EML6: variants seen among roughly 807,000 people sequenced by gnomAD.
The protein encoded by EML6 is echinoderm microtubule-associated protein-like 6.
Under a neutral mutation model 240.1 loss-of-function variants are expected in EML6, and 154 were observed. That is an observed-to-expected ratio of 0.64 (90% confidence interval 0.56 to 0.73). The LOEUF (loss-of-function observed/expected upper bound fraction) is 0.73. Ranked by LOEUF, EML6 falls within the 30% of genes least tolerant of loss-of-function variation. The probability of loss-of-function intolerance (pLI) is 0.00; values close to 1 mark genes in which losing one functional copy is unlikely to be tolerated. For synonymous variants in EML6, 1,148 were observed against 899.0 expected (o/e 1.28, Z -4.95); for missense variants, 2,964 against 2,474.6 (o/e 1.20, Z -4.20).
rs916655045 is a variant in EML6 at position 54,964,188 on chromosome 2, G to T, written c.5330+30G>T. ...CTAAGTGGGTGGTCTGGGCATGGAGGAGAAAGGCAAGCATTCTGCTTACCA... is the reference window on the plus strand; with the variant it reads ...CTAAGTGGGTGGTCTGGGCATGGAGTAGAAAGGCAAGCATTCTGCTTACCA... On this transcript the variant is annotated intron_variant, in intron 37 of 41. Transcript: ENST00000356458. 42 of 1,545,326 alleles carry T rather than the reference G, an allele frequency of 2.7e-5. 1 individual carries two copies. Among genetic ancestry groups the T allele is most frequent in the Admixed American group, 4.0e-5 (2 of 50,628 alleles).
At chr2:54,823,850 T>TCTCTCTCTCTCTCTCTCTCTC (rs1553387708) in intron 5 of EML6, among the ~76,000 whole-genome samples, 1 of 72,254 alleles carries the variant, frequency 1.4e-5, no homozygotes, top group Non-Finnish European at 2.9e-5. Flanking sequence ...CATTCATTCA[T>TCTCTCTCTCTCTCTCTCTCTC]TCTCTCTCTC....
At chr2:54,841,893 AT>A (rs112826546) in intron 7 of EML6, among the ~76,000 whole-genome samples, 95 of 148,762 alleles carry the variant, frequency 6.4e-4, no homozygotes, top group East Asian at 2.0e-3. Context: ...GTGCCTTGCC[AT>A]TTTTTTTTTA....
intron 2 of EML6, among the ~76,000 whole-genome samples, chr2:54,788,932 T>TA (rs1669243383): frequency 6.6e-6 from 1 of 152,204 alleles, no homozygotes; most frequent in African/African-American, 2.4e-5. Context: ...CAATGGTTAG[T>TA]AACATTGGCT....
chr2:54,876,917 A>G (rs1006322187), intron 16 of EML6, among the ~76,000 whole-genome samples: 11 of 152,154 alleles, frequency 7.2e-5, no homozygotes, highest in South Asian at 4.1e-4. Context: ...AATATGTAAT[A>G]TAACACCAGA....
intron 28 of EML6, among the ~76,000 whole-genome samples, chr2:54,929,704 TCCTCCTCC>T (rs1674753033): frequency 6.6e-6 from 1 of 151,494 alleles, no homozygotes; most frequent in African/African-American, 2.4e-5. Context: ...CTCCTCCTCC[TCCTCCTCC>T]TCCTCCTCCT....
chr2:54,820,361 G>C, intron 4 of EML6, 33 bp from the exon 5 acceptor site: 1 of 1,467,904 alleles, frequency 6.8e-7, no homozygotes. Context: ...TATACCAAAT[G>C]ATCAACATGG....
In EML6 at chr2:54,968,750, C is replaced by G. The variant is rs1398455850; in HGVS notation, c.5834C>G (p.Thr1945Ser). The change falls in exon 41 of 42, where the codon ACT becomes AGT. Residue 1945 changes from threonine (T) to serine (S), a missense_variant. Coordinates refer to ENST00000356458, the MANE Select transcript of EML6 (RefSeq NM_001039753.4). ...TATGATGACAAGTATGTGGTCAGCA[C>G]TGGAGGAGACGACTGCAGGTACTAA... is the stretch of plus-strand genomic sequence containing the variant. ...FSYDDKYVVS[T>S]GGDDCSVFVW... The G allele has an allele frequency of 6.5e-7, 1 of 1,542,566 alleles. No individual in the cohort carries two copies. Among genetic ancestry groups the G allele is most frequent in the African/African-American group, 1.4e-5 (1 of 72,812 alleles).
rs1438522890 is a variant in EML6 at position 54,952,703 on chromosome 2, C to T, written c.4312+11C>T. ...CCACCAGCCAGATAGGTAGGAGGTC[C>T]TGTGGCAGCTGAGGCTCTCCCAGCT... On this transcript the variant is annotated intron_variant, in intron 31 of 41. Coordinates refer to ENST00000356458, the MANE Select transcript of EML6 (RefSeq NM_001039753.4). 1 of 1,535,414 alleles carries T rather than the reference C, an allele frequency of 6.5e-7. No homozygotes were observed. Among genetic ancestry groups the T allele is most frequent in the African/African-American group, 1.4e-5 (1 of 72,684 alleles).
At chr2:54,960,018 C>T (rs958399788) in intron 34 of EML6, among the ~76,000 whole-genome samples, 2 of 152,196 alleles carry the variant, frequency 1.3e-5, no homozygotes, top group African/African-American at 4.8e-5. Flanking sequence ...TTTAGGAAAT[C>T]TGCAAGCTCA....
chr2:54,856,447 A>G (rs545655779), intron 11 of EML6, among the ~76,000 whole-genome samples: 8 of 152,212 alleles, frequency 5.3e-5, no homozygotes, highest in Admixed American at 3.3e-4. Flanking sequence ...CCATGTCCTG[A>G]TAGCAAATGG....
chr2:54,820,900 CACAGTACAAA>C (rs1668303552), intron 5 of EML6, among the ~76,000 whole-genome samples: 2 of 152,246 alleles, frequency 1.3e-5, no homozygotes, highest in East Asian at 1.9e-4. Context: ...TAGAGGAATT[CACAGTACAAA>C]CCTATCTGGA....
At chr2:54,742,110 T>C (rs1683669318) in intron 2 of EML6, among the ~76,000 whole-genome samples, 1 of 152,210 alleles carries the variant, frequency 6.6e-6, no homozygotes, top group African/African-American at 2.4e-5. Flanking sequence ...GGTTTTAGTC[T>C]CCAGAATTTC....
chr2:54,757,326 G>A (rs1371268790), intron 2 of EML6, among the ~76,000 whole-genome samples: 1 of 152,168 alleles, frequency 6.6e-6, no homozygotes, highest in Non-Finnish European at 1.5e-5. Context: ...GAGGGGCAGT[G>A]TTGATGAGTG....
chr2:54,923,367 GCA>G (rs113101367), intron 26 of EML6, among the ~76,000 whole-genome samples: 9,890 of 144,376 alleles, frequency 0.069, 376 homozygotes, highest in East Asian at 0.086. Flanking sequence ...CTCACCAAAC[GCA>G]CACACACACA....
At chr2:54,944,157 G>A (rs535244139) in intron 28 of EML6, among the ~76,000 whole-genome samples, 1 of 152,174 alleles carries the variant, frequency 6.6e-6, no homozygotes, top group African/African-American at 2.4e-5. Flanking sequence ...CCATTGGCTA[G>A]TGATTCCCAG....
intron 25 of EML6, among the ~76,000 whole-genome samples, chr2:54,911,898 A>G (rs999971779): frequency 6.6e-6 from 1 of 152,158 alleles, no homozygotes; most frequent in African/African-American, 2.4e-5. Context: ...CTAAACTAAC[A>G]CCTCTTGAAA....
chr2:54,892,227 G>A (rs1319484709), intron 18 of EML6, among the ~76,000 whole-genome samples: 1 of 152,130 alleles, frequency 6.6e-6, no homozygotes, highest in East Asian at 1.9e-4. Context: ...TATCCCAACA[G>A]TGAGCGCTGC....
At chr2:54,872,109 C>G (rs1027385105) in intron 16 of EML6, among the ~76,000 whole-genome samples, 3 of 151,964 alleles carry the variant, frequency 2.0e-5, no homozygotes, top group African/African-American at 7.3e-5. Flanking sequence ...ACTTTTATAT[C>G]GAAAAAATAG....
chr2:54,935,352 C>T (rs1387954849), intron 28 of EML6, among the ~76,000 whole-genome samples: 2 of 152,162 alleles, frequency 1.3e-5, no homozygotes, highest in Non-Finnish European at 2.9e-5. Context: ...ATTGTTCTTT[C>T]TAATGGAAAG....
Sources: gnomAD v4.1 joint callset for allele counts (sites outside exome capture counted in the v4.1 genomes callset) on GRCh38, gnomAD v4.1.1 for gene constraint, MANE v1.5 for transcripts, NCBI Gene and HGNC (gene_info 2026-07-23, HGNC 2026-07-21) for gene names.